The following PCM1 variants were observed in gnomAD, a reference collection of about 807,000 sequenced individuals.
PCM1 encodes pericentriolar material 1 protein.
In PCM1, 157 loss-of-function variants were observed where a neutral mutation model predicts 241.9. That is an observed-to-expected ratio of 0.65 (90% CI 0.57 to 0.74). The LOEUF (loss-of-function observed/expected upper bound fraction) is 0.74. Among genes scored for constraint, PCM1 ranks in the 30% least tolerant of loss-of-function variants. PCM1 has a pLI of 0.00. For missense variants in PCM1, 3,478 were observed against 2,360.1 expected (o/e 1.47, Z -9.81); for synonymous variants, 1,085 against 784.9 (o/e 1.38, Z -6.39).
Position 17,991,657 on chromosome 8 carries a change from T to C in PCM1, c.4647T>C (p.Asp1549=). The C allele has an allele frequency of 6.4e-7, 1 of 1,563,464 alleles. No homozygotes were observed. Among genetic ancestry groups the C allele is most frequent in the Non-Finnish European group, 8.7e-7 (1 of 1,153,020 alleles). Residue 1549 remains aspartate, a synonymous_variant, in exon 28 of 39, where the codon GAT becomes GAC. Transcript: ENST00000325083. ...GATGCACCTGCAGGATTATTGAGGA[T>C]GGAGATGGTGCTGGTGCAGGTACTA... The part of the protein sequence containing the change: ...NMRCTCRIIE[D]GDGAGAGTTV...
intron 2 of PCM1, chr8:17,927,265 G>C (rs1034566640): frequency 6.6e-6 from 1 of 151,598 alleles, no homozygotes; most frequent in African/African-American, 2.4e-5. Context: ...CAAACAGCTG[G>C]GATTACAGGA....
At chr8:17,951,318 G>A (rs979314952) in intron 8 of PCM1, among the ~76,000 whole-genome samples, 2 of 152,174 alleles carry the variant, frequency 1.3e-5, no homozygotes. Flanking sequence ...AGTGTCTCTT[G>A]TCTTCTTGCT....
chr8:18,027,610 A>G (rs116921317), intron 38 of PCM1, 27 bp from the exon 39 acceptor site: 28,504 of 1,537,116 alleles, frequency 0.019, 437 homozygotes, highest in South Asian at 0.051. Flanking sequence ...TAAGTAATTT[A>G]TAAAGCATTT....
At chr8:18,001,995 CTTTTTTTTTTTTTTTTTTTTTTTT>C (rs1166401113) in intron 29 of PCM1, among the ~76,000 whole-genome samples, 1 of 23,404 alleles carries the variant, frequency 4.3e-5, no homozygotes, top group East Asian at 1.0e-3. Context: ...TCTAACCTTT[CTTTTTTTTTTTTTTTTTTTTTTTT>C]TTTTTTTTTT....
chr8:18,004,714 CT>C (rs1445368889), intron 29 of PCM1, among the ~76,000 whole-genome samples: 3 of 152,204 alleles, frequency 2.0e-5, no homozygotes, highest in Admixed American at 2.0e-4. Context: ...GACTTCTTGA[CT>C]CTCTTTATGT....
intron 6 of PCM1, among the ~76,000 whole-genome samples, chr8:17,945,932 A>G (rs1003004038): frequency 6.6e-6 from 1 of 152,202 alleles, no homozygotes; most frequent in African/African-American, 2.4e-5. Context: ...TTATGTAAAT[A>G]TTAGGTAAAA....
At chr8:18,010,940 T>C (rs2092407457) in intron 32 of PCM1, among the ~76,000 whole-genome samples, 1 of 152,186 alleles carries the variant, frequency 6.6e-6, no homozygotes, top group Admixed American at 6.5e-5. Flanking sequence ...GCCACTGCAT[T>C]CCAGCCTGGG....
At chr8:18,001,396 A>G (rs547887324) in intron 29 of PCM1, among the ~76,000 whole-genome samples, 12 of 152,300 alleles carry the variant, frequency 7.9e-5, no homozygotes, top group African/African-American at 2.9e-4. Context: ...ACATTTTTAA[A>G]GCTTTTTAGA....
At chr8:17,950,210 C>G (rs1316580445) in intron 7 of PCM1, among the ~76,000 whole-genome samples, 2 of 152,152 alleles carry the variant, frequency 1.3e-5, no homozygotes, top group Non-Finnish European at 2.9e-5. Flanking sequence ...GTTTGCCAGC[C>G]CCTCTACCGG....
chr8:17,974,639 T>C (rs568346090), intron 23 of PCM1, among the ~76,000 whole-genome samples: 1 of 152,296 alleles, frequency 6.6e-6, no homozygotes, highest in South Asian at 2.1e-4. Context: ...CCTAGAAATA[T>C]TGGTATGTTT....
intron 24 of PCM1, among the ~76,000 whole-genome samples, chr8:17,982,133 A>G (rs1469338000): frequency 6.6e-6 from 1 of 152,204 alleles, no homozygotes; most frequent in East Asian, 1.9e-4. Flanking sequence ...ATTGCTAGGA[A>G]ATGGTAAAGC....
At chr8:18,020,154 C>G (rs2129487744) in intron 36 of PCM1, among the ~76,000 whole-genome samples, 1 of 152,282 alleles carries the variant, frequency 6.6e-6, no homozygotes, top group South Asian at 2.1e-4. Flanking sequence ...AAACCTTTCA[C>G]TTTGGGATTA....
chr8:18,018,741 G>A (rs2093458650), intron 36 of PCM1, among the ~76,000 whole-genome samples: 1 of 150,716 alleles, frequency 6.6e-6, no homozygotes, highest in East Asian at 2.0e-4. Flanking sequence ...AACCCGGGAG[G>A]TGGAGGTTGC....
rs763147733 is a variant in PCM1 at position 17,960,121 on chromosome 8, T to C, written c.2148T>C (p.Asn716=). Residue 716 remains asparagine (N), a synonymous_variant, in exon 14 of 39, where the codon AAT becomes AAC. Coordinates refer to ENST00000325083, the MANE Select transcript of PCM1 (RefSeq NM_006197.4). The part of the protein sequence containing the change: ...TKQNSNNTRG[N]ANKTQKDTGV... Reference sequence around the variant, plus strand: ...AAAATTCAAATAACACTAGAGGAAATGCCAATAAAACACAGAAAGATACTG... The same window carrying C: ...AAAATTCAAATAACACTAGAGGAAACGCCAATAAAACACAGAAAGATACTG... The C allele has an allele frequency of 5.0e-6, 8 of 1,597,288 alleles. No individual in the cohort carries two copies. In the East Asian group the frequency reaches 1.8e-4, roughly 36 times the overall value.
chr8:17,992,742 G>A (rs1052008937), intron 28 of PCM1, among the ~76,000 whole-genome samples: 7 of 150,892 alleles, frequency 4.6e-5, no homozygotes, highest in Admixed American at 1.3e-4. Flanking sequence ...TCAGCCTCCC[G>A]AGTAGCAGGC....
chr8:17,944,066 C>T (rs2063042586), intron 6 of PCM1, among the ~76,000 whole-genome samples: 1 of 152,146 alleles, frequency 6.6e-6, no homozygotes, highest in African/African-American at 2.4e-5. Context: ...CATTGTTTTC[C>T]TATACTCATG....
intron 23 of PCM1, among the ~76,000 whole-genome samples, chr8:17,976,625 C>A (rs978038037): frequency 2.0e-5 from 3 of 152,236 alleles, no homozygotes; most frequent in African/African-American, 7.2e-5. Context: ...GCTCTTTGGA[C>A]ATGTGCAAGG....
intron 10 of PCM1, chr8:17,955,899 TA>T (rs1349617350): frequency 4.0e-6 from 2 of 503,880 alleles, no homozygotes; most frequent in Non-Finnish European, 7.2e-6. Flanking sequence ...GGATCAAAAA[TA>T]AGATTACAGT....
intron 24 of PCM1, chr8:17,982,604 C>G (rs954954487): frequency 6.6e-6 from 1 of 152,224 alleles, no homozygotes; most frequent in Non-Finnish European, 1.5e-5. Flanking sequence ...GAGCGATTCT[C>G]CTGCCTCAGC....
Sources: allele counts gnomAD v4.1 joint callset (sites outside exome capture counted in the v4.1 genomes callset), GRCh38; gene constraint gnomAD v4.1.1; transcripts MANE v1.5; gene names NCBI Gene and HGNC (gene_info 2026-07-23, HGNC 2026-07-21).